The following GALNT1 variants were observed in gnomAD, a reference collection of about 807,000 sequenced individuals.
GALNT1 encodes the protein polypeptide N-acetylgalactosaminyltransferase 1.
GALNT1 carries 17 observed loss-of-function variants against 65.7 expected under a neutral mutation model. That is an observed-to-expected ratio of 0.26 (90% CI 0.18 to 0.39). The LOEUF (loss-of-function observed/expected upper bound fraction) is 0.39, where lower values mean the gene tolerates loss of function less well. Among genes scored for constraint, GALNT1 ranks in the 10% least tolerant of loss-of-function variants. The pLI is 1.00. For synonymous variants in GALNT1, 210 were observed against 219.7 expected (o/e 0.96, Z 0.39); for missense variants, 460 against 672.8 (o/e 0.68, Z 3.50).
intron 1 of GALNT1, among the ~76,000 whole-genome samples, chr18:35,585,503 G>A (rs2046369334): frequency 6.6e-6 from 1 of 152,132 alleles, no homozygotes; most frequent in Non-Finnish European, 1.5e-5. Context: ...TGCTTCCAAT[G>A]GTATCATTTT....
At chr18:35,637,108 G>A (rs971786977) in intron 1 of GALNT1, among the ~76,000 whole-genome samples, 1 of 151,814 alleles carries the variant, frequency 6.6e-6, no homozygotes, top group African/African-American at 2.4e-5. Flanking sequence ...CCCTCTCCTC[G>A]GGTATCCCTG....
intron 1 of GALNT1, among the ~76,000 whole-genome samples, chr18:35,642,324 A>G (rs528540334): frequency 6.6e-6 from 1 of 152,356 alleles, no homozygotes; most frequent in South Asian, 2.1e-4. Context: ...AAGCATATGG[A>G]TAAATCTCAG....
chr18:35,662,712 A>AT (rs910961583), intron 2 of GALNT1, among the ~76,000 whole-genome samples: 2 of 152,312 alleles, frequency 1.3e-5, no homozygotes, highest in East Asian at 3.9e-4. Context: ...TTTTCATCCC[A>AT]TTTTTGACCT....
At chr18:35,598,033 C>T (rs1345104241) in intron 1 of GALNT1, among the ~76,000 whole-genome samples, 1 of 110,830 alleles carries the variant, frequency 9.0e-6, no homozygotes, top group Non-Finnish European at 2.0e-5. Flanking sequence ...AATCCCCTCC[C>T]ATCCCCTCCC....
chr18:35,680,301 GTGA>G (rs1372260933), intron 4 of GALNT1, among the ~76,000 whole-genome samples: 1 of 152,168 alleles, frequency 6.6e-6, no homozygotes, highest in Non-Finnish European at 1.5e-5. Flanking sequence ...CAGCTCAGAT[GTGA>G]TGTATTTAGA....
chr18:35,647,876 A>T (rs2047251660), intron 1 of GALNT1, among the ~76,000 whole-genome samples: 1 of 152,088 alleles, frequency 6.6e-6, no homozygotes, highest in African/African-American at 2.4e-5. Flanking sequence ...AAAATTTGGC[A>T]TGTGATATTA....
At chr18:35,629,091 T>C (rs902360051) in intron 1 of GALNT1, among the ~76,000 whole-genome samples, 14 of 152,154 alleles carry the variant, frequency 9.2e-5, no homozygotes, top group Non-Finnish European at 1.9e-4. Context: ...CTACATCTGA[T>C]TGGTGTACCT....
At chr18:35,707,872 G>A (rs2048290148) in intron 11 of GALNT1, among the ~76,000 whole-genome samples, 1 of 152,232 alleles carries the variant, frequency 6.6e-6, no homozygotes, top group South Asian at 2.1e-4. Flanking sequence ...CAATGTGCAC[G>A]CTGAGCCGCA....
At chr18:35,683,279 C>T in intron 4 of GALNT1, 112 bp from the exon 5 acceptor site, 1 of 789,788 alleles carries the variant, frequency 1.3e-6, no homozygotes, top group South Asian at 1.8e-5. Flanking sequence ...GGGAGCCTCA[C>T]TGAGAGTGTT....
rs117974591 is a variant in GALNT1, at chr18:35,616,820, C to A, written c.-104+34958C>A. Among the ~76,000 whole-genome samples the A allele has an allele frequency of 7.2e-5, 11 of 152,146 alleles. No homozygotes were observed. The East Asian group carries it at 2.1e-3, about 29-fold the overall frequency. On this transcript the variant is annotated intron_variant, in intron 1 of 11. Coordinates refer to ENST00000269195, the MANE Select transcript of GALNT1 (RefSeq NM_020474.4). ...CTTCAAATTCTGTGACTTCTCAGACCTTCCAGTCCTCTAGTATGGTCCACC... is the reference window on the plus strand; with the variant it reads ...CTTCAAATTCTGTGACTTCTCAGACATTCCAGTCCTCTAGTATGGTCCACC...
chr18:35,675,344 T>TATTA (rs200444444), intron 3 of GALNT1, among the ~76,000 whole-genome samples: 1 of 152,212 alleles, frequency 6.6e-6, no homozygotes, highest in African/African-American at 2.4e-5. Context: ...TTTGAGAGAA[T>TATTA]ATTAATTTAT....
chr18:35,709,522 C>A, intron 11 of GALNT1, 102 bp from the exon 12 acceptor site: 4 of 1,192,554 alleles, frequency 3.4e-6, no homozygotes, highest in Non-Finnish European at 4.7e-6. Flanking sequence ...ATGTATATTA[C>A]CAAAAAAAAC....
intron 1 of GALNT1, among the ~76,000 whole-genome samples, chr18:35,646,612 G>C (rs1013792651): frequency 1.3e-5 from 2 of 152,212 alleles, no homozygotes; most frequent in African/African-American, 2.4e-5. Context: ...AGAGAGTGCT[G>C]GGGGAGGCCA....
intron 9 of GALNT1, among the ~76,000 whole-genome samples, chr18:35,693,278 G>T (rs541349514): frequency 6.6e-6 from 1 of 152,136 alleles, no homozygotes; most frequent in South Asian, 2.1e-4. Flanking sequence ...AAGTATAAAG[G>T]TTTCTAAGAT....
At chr18:35,670,949 A>G (rs993126415) in intron 3 of GALNT1, among the ~76,000 whole-genome samples, 2 of 152,194 alleles carry the variant, frequency 1.3e-5, no homozygotes, top group Non-Finnish European at 1.5e-5. Flanking sequence ...TCTTTACCTC[A>G]CATCATACAG....
chr18:35,611,271 T>TC (rs2046713217), intron 1 of GALNT1, among the ~76,000 whole-genome samples: 1 of 152,136 alleles, frequency 6.6e-6, no homozygotes, highest in African/African-American at 2.4e-5. Context: ...TCACTTTTTT[T>TC]CTCATTTTTT....
chr18:35,703,454 TA>T, intron 10 of GALNT1, 54 bp from the exon 11 acceptor site: 1 of 1,545,886 alleles, frequency 6.5e-7, no homozygotes, highest in Non-Finnish European at 8.9e-7. Flanking sequence ...ATTGGGCATT[TA>T]AAATGCTGAC....
intron 7 of GALNT1, among the ~76,000 whole-genome samples, chr18:35,690,009 C>A (rs1460952043): frequency 6.6e-6 from 1 of 152,104 alleles, no homozygotes; most frequent in Non-Finnish European, 1.5e-5. Context: ...GAGATCCTAT[C>A]CAGCTCTAAC....
intron 4 of GALNT1, among the ~76,000 whole-genome samples, chr18:35,680,306 G>A (rs758181141): frequency 1.9e-4 from 29 of 152,162 alleles, no homozygotes; most frequent in Non-Finnish European, 3.7e-4. Flanking sequence ...CAGATGTGAT[G>A]TATTTAGAGA....
Sources: gnomAD v4.1 joint callset for allele counts (sites outside exome capture counted in the v4.1 genomes callset) on GRCh38, gnomAD v4.1.1 for gene constraint, MANE v1.5 for transcripts, NCBI Gene and HGNC (gene_info 2026-07-23, HGNC 2026-07-21) for gene names.